TENM1: variants seen among roughly 807,000 people sequenced by gnomAD.
TENM1 encodes teneurin-1.
A neutral mutation model predicts 174.8 loss-of-function variants in TENM1; 35 were observed. The ratio of observed to expected loss-of-function variants is 0.20; its 90% CI spans 0.15 to 0.27. The LOEUF is 0.27. TENM1 is among the 10% of genes least tolerant of loss of function. The pLI is 1.00. For missense variants in TENM1, 1,633 were observed against 2,130.1 expected (o/e 0.77, Z 4.59); for synonymous variants, 781 against 798.7 (o/e 0.98, Z 0.37).
intron 3 of TENM1, among the ~76,000 whole-genome samples, chrX:124,744,072 A>G (rs753615710): frequency 1.8e-5 from 2 of 111,833 alleles, no homozygotes; most frequent in African/African-American, 6.5e-5. Context: ...ACATAGTACA[A>G]TCAGCCAACC....
the TENM1 span, among the ~76,000 whole-genome samples, chrX:125,033,387 G>GA: frequency 9.0e-6 from 1 of 111,369 alleles, no homozygotes; most frequent in Non-Finnish European, 1.9e-5. Context: ...TGACCCATAT[G>GA]AAAAAAACCC....
chrX:124,507,833 CAG>C (rs755337926), intron 18 of TENM1, among the ~76,000 whole-genome samples: 1 of 111,539 alleles, frequency 9.0e-6, no homozygotes, highest in African/African-American at 3.3e-5. Flanking sequence ...GCTAAGGCCT[CAG>C]AATTTATAAT....
chrX:124,602,125 G>A (rs900827685), intron 11 of TENM1, among the ~76,000 whole-genome samples: 40 of 111,012 alleles, frequency 3.6e-4, no homozygotes, highest in African/African-American at 1.2e-3. Flanking sequence ...AGGTTGAGAA[G>A]GTCCTATCTG....
At chrX:125,027,304 G>T in the TENM1 span, among the ~76,000 whole-genome samples, 3 of 111,290 alleles carry the variant, frequency 2.7e-5, no homozygotes, top group East Asian at 8.4e-4. Flanking sequence ...AAAAAGCAAG[G>T]TTCCATTTAC....
At chrX:124,934,167 T>A (rs1023165030) in intron 1 of TENM1, among the ~76,000 whole-genome samples, 4 of 112,136 alleles carry the variant, frequency 3.6e-5, no homozygotes, top group African/African-American at 1.3e-4. Context: ...TCTGTCTACA[T>A]CTTTCTCAAT....
chrX:124,825,620 T>C (rs1199086941), intron 3 of TENM1, among the ~76,000 whole-genome samples: 1 of 112,389 alleles, frequency 8.9e-6, no homozygotes, highest in African/African-American at 3.2e-5. Flanking sequence ...GCATTAATTA[T>C]GCAAATGTTT....
At chrX:125,198,431 T>G in the TENM1 span, among the ~76,000 whole-genome samples, 1 of 111,802 alleles carries the variant, frequency 8.9e-6, no homozygotes, top group African/African-American at 3.2e-5. Flanking sequence ...GAAACTATTT[T>G]ACAGCTGTGA....
chrX:125,124,554 G>A, the TENM1 span, among the ~76,000 whole-genome samples: 1 of 111,917 alleles, frequency 8.9e-6, no homozygotes, highest in Admixed American at 9.5e-5. Flanking sequence ...ACCAATCTAT[G>A]TGTTTCATAA....
intron 14 of TENM1, among the ~76,000 whole-genome samples, chrX:124,558,123 T>C (rs912895472): frequency 2.7e-5 from 3 of 112,181 alleles, no homozygotes; most frequent in South Asian, 3.6e-4. Flanking sequence ...AAGGTTATTT[T>C]TTCTCTGTTC....
chrX:124,470,807 T>C (rs781612302), intron 22 of TENM1, among the ~76,000 whole-genome samples: 1 of 109,923 alleles, frequency 9.1e-6, no homozygotes, highest in East Asian at 2.9e-4. Context: ...TGACACTCCT[T>C]CTTGGAGAGC....
At chrX:124,981,577 T>A in the TENM1 span, among the ~76,000 whole-genome samples, 2 of 111,696 alleles carry the variant, frequency 1.8e-5, no homozygotes, top group African/African-American at 3.3e-5. Flanking sequence ...GTATACCCCA[T>A]GCCAGGAAAT....
the TENM1 span, among the ~76,000 whole-genome samples, chrX:125,197,258 TAA>T: frequency 8.9e-6 from 1 of 112,119 alleles, no homozygotes; most frequent in Non-Finnish European, 1.9e-5. Context: ...TCCTTTAATA[TAA>T]ATGCATAGAA....
At chrX:124,557,489 C>T (rs896740918) in intron 14 of TENM1, among the ~76,000 whole-genome samples, 11 of 107,562 alleles carry the variant, frequency 1.0e-4, no homozygotes, top group Admixed American at 9.9e-5. Context: ...TTTTCTTTTA[C>T]TTTTAACTCA....
intron 1 of TENM1, among the ~76,000 whole-genome samples, chrX:124,907,154 A>C (rs1385610874): frequency 1.8e-5 from 2 of 112,415 alleles, no homozygotes; most frequent in Non-Finnish European, 3.8e-5. Flanking sequence ...TTAAATGGCC[A>C]AGAAGAACAC....
At chrX:124,531,008 G>C (rs1186367478) in intron 15 of TENM1, among the ~76,000 whole-genome samples, 3 of 110,624 alleles carry the variant, frequency 2.7e-5, no homozygotes, top group African/African-American at 9.9e-5. Flanking sequence ...TTTTTCACCA[G>C]AGTTTAATCC....
the TENM1 span, among the ~76,000 whole-genome samples, chrX:125,022,116 G>A: frequency 0.031 from 3,414 of 111,877 alleles, 148 homozygotes; most frequent in African/African-American, 0.11. Context: ...AATATCAAGC[G>A]TACCCCTGAA....
At chrX:125,020,654 C>T in the TENM1 span, among the ~76,000 whole-genome samples, 2 of 110,224 alleles carry the variant, frequency 1.8e-5, no homozygotes, top group Non-Finnish European at 3.8e-5. Context: ...CTCTAAAGGC[C>T]ATTGGGCTGC....
chrX:124,975,766 A>G, the TENM1 span, among the ~76,000 whole-genome samples: 1 of 112,087 alleles, frequency 8.9e-6, no homozygotes, highest in Non-Finnish European at 1.9e-5. Context: ...GCAGAGGTGG[A>G]TACAGAGGTT....
At chrX:124,680,615 T>C (rs1342275103) in intron 5 of TENM1, among the ~76,000 whole-genome samples, 2 of 111,525 alleles carry the variant, frequency 1.8e-5, no homozygotes, top group African/African-American at 3.2e-5. Context: ...ATTTTTGTAT[T>C]ATTATTTGCT....
Sources: allele counts gnomAD v4.1 joint callset (sites outside exome capture counted in the v4.1 genomes callset), GRCh38; gene constraint gnomAD v4.1.1; transcripts MANE v1.5; gene names NCBI Gene and HGNC (gene_info 2026-07-23, HGNC 2026-07-21).